Variants in CCDC7 observed in about 807,000 individuals in gnomAD.
CCDC7 encodes coiled-coil domain containing 7.
Under a neutral mutation model 196.9 loss-of-function variants are expected in CCDC7, and 183 were observed. The observed-to-expected ratio is 0.93, with a 90% confidence interval of 0.82 to 1.05. The LOEUF (loss-of-function observed/expected upper bound fraction) is 1.05. Ranked by LOEUF, CCDC7 falls within the 50% of genes least tolerant of loss-of-function variation. CCDC7 has a pLI of 0.00. For missense variants in CCDC7, 1,540 were observed against 1,482.2 expected, an observed-to-expected ratio of 1.04 and a Z score of -0.64; for synonymous variants, 525 against 484.6, an observed-to-expected ratio of 1.08 and a Z score of -1.10.
chr10:32,641,165 G>A (rs965951900), intron 20 of CCDC7, among the ~76,000 whole-genome samples: 7 of 152,064 alleles, frequency 4.6e-5, no homozygotes, highest in Non-Finnish European at 8.8e-5. Flanking sequence ...TCTTTGTGGC[G>A]TTCTCTGTAT....
At chr10:32,793,161 C>G (rs976428930) in intron 29 of CCDC7, among the ~76,000 whole-genome samples, 8 of 152,108 alleles carry the variant, frequency 5.3e-5, no homozygotes, top group African/African-American at 1.9e-4. Flanking sequence ...CTTTAGAATA[C>G]AAAGGATTTA....
chr10:32,483,679 G>T (rs909596740), intron 8 of CCDC7, among the ~76,000 whole-genome samples: 15 of 152,194 alleles, frequency 9.9e-5, no homozygotes, highest in African/African-American at 3.6e-4. Context: ...TGTATAAGGT[G>T]TAAGGAAGGG....
At chr10:32,835,548 C>G (rs1417977950) in intron 33 of CCDC7, among the ~76,000 whole-genome samples, 1 of 152,014 alleles carries the variant, frequency 6.6e-6, no homozygotes, top group East Asian at 1.9e-4. Context: ...ATGGATGGAG[C>G]TGGAGGCTAT....
At chr10:32,866,160 A>T (rs898105825) in intron 41 of CCDC7, among the ~76,000 whole-genome samples, 2 of 151,828 alleles carry the variant, frequency 1.3e-5, no homozygotes, top group Non-Finnish European at 2.9e-5. Context: ...ATGCAAAATC[A>T]TACAACTTCT....
At chr10:32,592,880 C>T (rs570550558) in intron 18 of CCDC7, among the ~76,000 whole-genome samples, 3 of 152,154 alleles carry the variant, frequency 2.0e-5, no homozygotes, top group Non-Finnish European at 2.9e-5. Context: ...GACATGAACT[C>T]ATCCTTTTTT....
At chr10:32,559,959 A>G (rs569566347) in intron 13 of CCDC7, among the ~76,000 whole-genome samples, 3 of 152,312 alleles carry the variant, frequency 2.0e-5, no homozygotes, top group East Asian at 3.9e-4. Context: ...AGAATAACCA[A>G]TACAGTGAAG....
chr10:32,476,514 A>G (rs1218297749), intron 8 of CCDC7, among the ~76,000 whole-genome samples: 2 of 152,250 alleles, frequency 1.3e-5, no homozygotes, highest in African/African-American at 4.8e-5. Context: ...TAAAGCTACT[A>G]TCAACACTTT....
intron 20 of CCDC7, among the ~76,000 whole-genome samples, chr10:32,640,770 C>A (rs1394591474): frequency 1.3e-5 from 2 of 151,234 alleles, no homozygotes; most frequent in Admixed American, 1.3e-4. Context: ...ACTTATGAAG[C>A]TTAGTTTGGC....
intron 20 of CCDC7, among the ~76,000 whole-genome samples, chr10:32,639,391 A>G (rs1314747268): frequency 6.6e-6 from 1 of 151,630 alleles, no homozygotes; most frequent in East Asian, 1.9e-4. Context: ...ATTTCCCTCT[A>G]CACACTGCTT....
intron 29 of CCDC7, 60 bp downstream of exon 30, chr10:32,779,144 A>G: frequency 7.8e-7 from 1 of 1,289,374 alleles, no homozygotes; most frequent in Non-Finnish European, 1.1e-6. Context: ...AAATATTTCA[A>G]CTGTATAGTT....
At chr10:32,736,771 A>G (rs944810981) in intron 28 of CCDC7, among the ~76,000 whole-genome samples, 1 of 152,186 alleles carries the variant, frequency 6.6e-6, no homozygotes. Context: ...CCTTGTATCT[A>G]GCAACCTTGC....
At chr10:32,474,529 G>A (rs1224676525) in intron 8 of CCDC7, among the ~76,000 whole-genome samples, 5 of 151,864 alleles carry the variant, frequency 3.3e-5, no homozygotes, top group African/African-American at 7.3e-5. Flanking sequence ...GAGCCACTGC[G>A]CCCGGCCTAG....
chr10:32,446,121 G>T (rs1023883045), upstream of CCDC7: 12 of 152,136 alleles, frequency 7.9e-5, no homozygotes, highest in African/African-American at 2.7e-4. Context: ...GTGGCGTCGG[G>T]CGCCTGGGAC....
intron 20 of CCDC7, among the ~76,000 whole-genome samples, chr10:32,662,724 T>A (rs1342102751): frequency 6.6e-6 from 1 of 152,182 alleles, no homozygotes; most frequent in Non-Finnish European, 1.5e-5. Flanking sequence ...GGTTCTTTTG[T>A]CTGGCATGGA....
intron 8 of CCDC7, among the ~76,000 whole-genome samples, chr10:32,483,816 T>C (rs2040454322): frequency 6.6e-6 from 1 of 152,126 alleles, no homozygotes; most frequent in African/African-American, 2.4e-5. Context: ...CGATGTGTGG[T>C]ATTATTTCCA....
At chr10:32,708,768 G>A (rs193237525) in intron 24 of CCDC7, among the ~76,000 whole-genome samples, 3 of 152,296 alleles carry the variant, frequency 2.0e-5, no homozygotes, top group Non-Finnish European at 4.4e-5. Flanking sequence ...AAACCACAAT[G>A]AGATACCATC....
Position 32,754,378 on chromosome 10 carries a change from G to A in CCDC7, c.2906-24599G>A, listed in dbSNP as rs558903288. 3.1e-4 allele frequency among the ~76,000 whole-genome samples: 47 copies of A among 152,232 alleles called. 1 individual carries two copies. The South Asian group carries it at 4.1e-3, about 13-fold the overall frequency. ...TATGATGGAAACAATGAACTTTAAT[G>A]ACTAAAGAAATGTTGACTACATAGG... On this transcript the variant is annotated intron_variant, in intron 28 of 41. Coordinates refer to ENST00000639629, the Ensembl canonical transcript of CCDC7.
chr10:32,760,335 G>T (rs1183506435), intron 28 of CCDC7, among the ~76,000 whole-genome samples: 3 of 151,972 alleles, frequency 2.0e-5, no homozygotes, highest in East Asian at 1.9e-4. Context: ...GCAAAGACTT[G>T]GAACCAACCC....
intron 41 of CCDC7, among the ~76,000 whole-genome samples, chr10:32,864,302 T>G (rs147740716): frequency 1.5e-3 from 226 of 151,712 alleles, no homozygotes; most frequent in African/African-American, 5.2e-3. Flanking sequence ...GTGGAGAAAT[T>G]CAAATCCTTT....
Sources: gnomAD v4.1 joint callset for allele counts (sites outside exome capture counted in the v4.1 genomes callset) on GRCh38, gnomAD v4.1.1 for gene constraint, MANE v1.5 for transcripts, NCBI Gene and HGNC (gene_info 2026-07-23, HGNC 2026-07-21) for gene names.